TMEM131: variants seen among roughly 807,000 people sequenced by gnomAD.
TMEM131 encodes transmembrane protein 131, also known as 2610524E03Rik.
Under a neutral mutation model 211.6 loss-of-function variants are expected in TMEM131, and 66 were observed. The ratio of observed to expected loss-of-function variants is 0.31; its 90% CI spans 0.26 to 0.38. The LOEUF (loss-of-function observed/expected upper bound fraction) is 0.38, where lower values mean the gene tolerates loss of function less well. Among genes scored for constraint, TMEM131 ranks in the 10% least tolerant of loss-of-function variants. The pLI, the probability that TMEM131 is intolerant of heterozygous loss-of-function variation, is 1.00. For synonymous variants in TMEM131, 844 were observed against 841.3 expected, an observed-to-expected ratio of 1.00 and a Z score of -0.06; for missense variants, 2,036 against 2,299.3, an observed-to-expected ratio of 0.89 and a Z score of 2.34.
At chr2:97,989,277 CAAAA>C (rs768850056) in intron 1 of TMEM131, among the ~76,000 whole-genome samples, 1 of 103,846 alleles carries the variant, frequency 9.6e-6, no homozygotes, top group Non-Finnish European at 2.1e-5. Context: ...AAAAACAAAA[CAAAA>C]AAAAAAAAAA....
intron 22 of TMEM131, among the ~76,000 whole-genome samples, chr2:97,803,157 T>C (rs1161222537): frequency 6.6e-6 from 1 of 152,188 alleles, no homozygotes; most frequent in African/African-American, 2.4e-5. Flanking sequence ...AAGGCAGGCA[T>C]ATAAAGATAA....
intron 25 of TMEM131, among the ~76,000 whole-genome samples, chr2:97,800,881 A>C (rs1056149361): frequency 6.6e-6 from 1 of 152,244 alleles, no homozygotes; most frequent in African/African-American, 2.4e-5. Flanking sequence ...AAGCACGAAA[A>C]GATTCCCAGA....
intron 7 of TMEM131, among the ~76,000 whole-genome samples, chr2:97,839,899 T>C (rs574958543): frequency 5.5e-4 from 84 of 152,342 alleles, no homozygotes; most frequent in African/African-American, 1.9e-3. Flanking sequence ...GACTGGGAAG[T>C]AGGAAGTTCA....
chr2:97,886,636 T>C (rs537149871), intron 4 of TMEM131, among the ~76,000 whole-genome samples: 1 of 152,304 alleles, frequency 6.6e-6, no homozygotes, highest in African/African-American at 2.4e-5. Flanking sequence ...ACAAGGCTGT[T>C]TCTCAGGTCA....
chr2:97,940,414 C>T (rs959404036), intron 1 of TMEM131, among the ~76,000 whole-genome samples: 3 of 152,196 alleles, frequency 2.0e-5, no homozygotes, highest in Admixed American at 1.3e-4. Context: ...CTCCCATTCA[C>T]TATTGCTTCA....
intron 1 of TMEM131, among the ~76,000 whole-genome samples, chr2:97,986,078 C>T (rs1680014799): frequency 6.6e-6 from 1 of 151,860 alleles, no homozygotes; most frequent in African/African-American, 2.4e-5. Context: ...AAAATTCAAA[C>T]ATCAATGGGA....
intron 2 of TMEM131, among the ~76,000 whole-genome samples, chr2:97,921,348 T>C (rs1676732266): frequency 6.6e-6 from 1 of 152,130 alleles, no homozygotes; most frequent in South Asian, 2.1e-4. Context: ...TAACAAAAAT[T>C]TATTCCAGAC....
chr2:97,980,277 C>T (rs1410918009), intron 1 of TMEM131, among the ~76,000 whole-genome samples: 2 of 152,144 alleles, frequency 1.3e-5, no homozygotes, highest in Admixed American at 6.5e-5. Flanking sequence ...AAAAATGGTG[C>T]TAATAGATTT....
chr2:97,835,900 A>C (rs1387917971), intron 8 of TMEM131, among the ~76,000 whole-genome samples: 1 of 152,238 alleles, frequency 6.6e-6, no homozygotes. Flanking sequence ...GACTATAAAA[A>C]CATGCTATTC....
At chr2:97,839,049 C>T (rs1683068875) in intron 7 of TMEM131, among the ~76,000 whole-genome samples, 1 of 152,170 alleles carries the variant, frequency 6.6e-6, no homozygotes, top group Non-Finnish European at 1.5e-5. Context: ...TTAGACCAGA[C>T]TCAGTGGCTC....
intron 35 of TMEM131, chr2:97,764,136 G>C (rs1034010713): frequency 3.3e-5 from 5 of 152,250 alleles, no homozygotes; most frequent in African/African-American, 1.2e-4. Context: ...GGGATGGAGA[G>C]ATCTTTACAC....
chr2:97,816,559 G>C (rs536598032), intron 12 of TMEM131, among the ~76,000 whole-genome samples: 1 of 152,098 alleles, frequency 6.6e-6, no homozygotes, highest in Non-Finnish European at 1.5e-5. Flanking sequence ...TGACAAAAAA[G>C]AACAAGGAAA....
At chr2:97,858,801 A>T (rs1355423897) in intron 5 of TMEM131, among the ~76,000 whole-genome samples, 1 of 152,184 alleles carries the variant, frequency 6.6e-6, no homozygotes, top group Non-Finnish European at 1.5e-5. Context: ...ACCACAAGGA[A>T]CCTAATTCTC....
chr2:97,879,748 T>A (rs1230153575), intron 4 of TMEM131, among the ~76,000 whole-genome samples: 1 of 152,222 alleles, frequency 6.6e-6, no homozygotes, highest in Non-Finnish European at 1.5e-5. Flanking sequence ...CATTTTTTTT[T>A]AGCTTCCTTT....
intron 4 of TMEM131, among the ~76,000 whole-genome samples, chr2:97,862,855 A>G (rs1674124140): frequency 1.3e-5 from 2 of 152,198 alleles, no homozygotes; most frequent in South Asian, 4.1e-4. Flanking sequence ...CCAAATCTGG[A>G]GAAAGATATT....
intron 11 of TMEM131, among the ~76,000 whole-genome samples, chr2:97,822,264 G>A (rs1373432407): frequency 2.0e-5 from 3 of 152,134 alleles, no homozygotes; most frequent in Non-Finnish European, 4.4e-5. Context: ...CCCTTCGAGG[G>A]CAGGGGGACT....
chr2:97,939,133 G>A (rs1677592470), intron 1 of TMEM131, among the ~76,000 whole-genome samples: 1 of 152,038 alleles, frequency 6.6e-6, no homozygotes, highest in South Asian at 2.1e-4. Flanking sequence ...AAAAGCAAGA[G>A]CAAACACATT....
At chr2:97,888,027 T>A in intron 4 of TMEM131, 25 bp downstream of exon 4, 1 of 1,591,340 alleles carries the variant, frequency 6.3e-7, no homozygotes, top group Non-Finnish European at 8.6e-7. Flanking sequence ...AATGGGAAAG[T>A]ACAGTCCAAA....
At chr2:97,872,256 G>T (rs1361675684) in intron 4 of TMEM131, among the ~76,000 whole-genome samples, 1 of 152,106 alleles carries the variant, frequency 6.6e-6, no homozygotes. Flanking sequence ...TGAAGGGCCT[G>T]ATACTTTTTA....
Sources: allele counts gnomAD v4.1 joint callset (sites outside exome capture counted in the v4.1 genomes callset), GRCh38; gene constraint gnomAD v4.1.1; transcripts MANE v1.5; gene names NCBI Gene and HGNC (gene_info 2026-07-23, HGNC 2026-07-21).